Variants in IQCH observed in about 807,000 individuals in gnomAD.
The protein encoded by IQCH is IQ motif containing H, also known as IQ domain-containing protein H.
IQCH carries 98 observed loss-of-function variants against 117.0 expected under a neutral mutation model. The ratio of observed to expected loss-of-function variants is 0.84; its 90% CI spans 0.71 to 0.99. IQCH has a LOEUF of 0.99. IQCH is among the 50% of genes least tolerant of loss of function. IQCH has a pLI of 0.00. For synonymous variants in IQCH, 412 were observed against 448.2 expected, an observed-to-expected ratio of 0.92 and a Z score of 1.02; for missense variants, 1,102 against 1,243.8, an observed-to-expected ratio of 0.89 and a Z score of 1.72.
At chr15:67,357,958 A>G (rs897791655) in intron 7 of IQCH, among the ~76,000 whole-genome samples, 1 of 151,830 alleles carries the variant, frequency 6.6e-6, no homozygotes, top group African/African-American at 2.4e-5. Context: ...TCCTGGGTTC[A>G]AGCGATTCTC....
chr15:67,260,440 A>G (rs1447888235), intron 1 of IQCH, among the ~76,000 whole-genome samples: 2 of 152,228 alleles, frequency 1.3e-5, no homozygotes, highest in African/African-American at 2.4e-5. Flanking sequence ...AACAAAATCA[A>G]GGTCAAACAC....
chr15:67,275,926 AT>A, intron 3 of IQCH, among the ~76,000 whole-genome samples: 1 of 152,238 alleles, frequency 6.6e-6, no homozygotes, highest in Non-Finnish European at 1.5e-5. Flanking sequence ...TCTAAGAATT[AT>A]CTTAGGAACT....
intron 8 of IQCH, 70 bp from the exon 9 acceptor site, chr15:67,372,041 G>A (rs924325272): frequency 6.1e-5 from 80 of 1,304,462 alleles, no homozygotes; most frequent in Middle Eastern, 2.7e-4. Context: ...TGTAGTGTGT[G>A]TCTTGACCAC....
intron 14 of IQCH, among the ~76,000 whole-genome samples, chr15:67,410,954 A>C (rs1206783634): frequency 6.6e-6 from 1 of 152,150 alleles, no homozygotes; most frequent in Non-Finnish European, 1.5e-5. Flanking sequence ...ACTTTATGGC[A>C]GTGTGACATG....
In IQCH at chr15:67,319,606, ATTG is replaced by A. The variant is rs1269459082; in HGVS notation, c.388-17366_388-17364del. On this transcript the variant is annotated intron_variant, in intron 4 of 20. Transcript: ENST00000335894. ...TGTGGAAATAAAGTTCACAGAAGGT[ATTG>A]TTTTTTCAATTTATGCATTCAACAG... 5.9e-5 allele frequency among the ~76,000 whole-genome samples: 9 copies of A among 152,270 alleles called. No homozygotes were observed. The East Asian group carries it at 1.5e-3, about 26-fold the overall frequency.
At chr15:67,389,295 T>C (rs1405114265) in intron 12 of IQCH, among the ~76,000 whole-genome samples, 1 of 152,202 alleles carries the variant, frequency 6.6e-6, no homozygotes, top group Non-Finnish European at 1.5e-5. Flanking sequence ...TTTTTCTTAA[T>C]TTTGTGTGGA....
intron 16 of IQCH, among the ~76,000 whole-genome samples, chr15:67,442,817 GAGATAGATAGATAGAT>G (rs201394285): frequency 7.3e-4 from 101 of 138,200 alleles, no homozygotes; most frequent in East Asian, 1.3e-3. Context: ...AAGAAACTGT[GAGATAGATAGATAGAT>G]AGATAGATAG....
intron 4 of IQCH, chr15:67,281,821 A>T (rs1294663540): frequency 2.2e-6 from 1 of 452,242 alleles, no homozygotes. Context: ...TTCTGCATAA[A>T]TGTTTGTTGA....
chr15:67,314,735 C>T (rs924441476), intron 4 of IQCH, among the ~76,000 whole-genome samples: 2 of 152,164 alleles, frequency 1.3e-5, no homozygotes, highest in African/African-American at 4.8e-5. Flanking sequence ...AGGAGGTAGC[C>T]ACCTTAGCTC....
In IQCH at chr15:67,453,614, G is replaced by A. The variant is rs1008636119; in HGVS notation, c.2506-11513G>A. On this transcript the variant is annotated intron_variant, in intron 16 of 20. Transcript: ENST00000335894. The surrounding 1 kb of genome is among the most constrained non-coding windows in gnomAD (Gnocchi z 5.8). ...TTGTCTCAGAGGAGTACCCGGCCATGTAAGGTGTCAGTCCGCCCCTACTGG... is the reference window on the plus strand; with the variant it reads ...TTGTCTCAGAGGAGTACCCGGCCATATAAGGTGTCAGTCCGCCCCTACTGG... 9.2e-5 allele frequency among the ~76,000 whole-genome samples: 14 copies of A among 152,312 alleles called. 1 individual carries two copies. Among genetic ancestry groups the A allele is most frequent in the African/African-American group, 1.7e-4 (7 of 41,572 alleles).
In IQCH at chr15:67,401,775, A is replaced by G. The variant is rs967854789; in HGVS notation, c.2097+1470A>G. Among the ~76,000 whole-genome samples the G allele has an allele frequency of 1.3e-5, 2 of 152,068 alleles. No individual in the cohort carries two copies. Among genetic ancestry groups the G allele is most frequent in the African/African-American group, 4.8e-5 (2 of 41,388 alleles). On this transcript the variant is annotated intron_variant, in intron 14 of 20. Coordinates refer to ENST00000335894, the MANE Select transcript of IQCH (RefSeq NM_001031715.3). The surrounding 1 kb of genome is among the most constrained non-coding windows in gnomAD (Gnocchi z 4.7). Reference sequence around the variant, plus strand: ...TATTTAAAAGACACCAAAATGAATTACTCTTCTAGATAAAGATAAAAACAA... The same window carrying G: ...TATTTAAAAGACACCAAAATGAATTGCTCTTCTAGATAAAGATAAAAACAA...
At position 67,424,906 on chromosome 15, in the gene IQCH, G is replaced by T. The variant is rs1309317643; in HGVS notation, c.2505+3329G>T. 1.3e-5 allele frequency among the ~76,000 whole-genome samples: 2 copies of T among 152,124 alleles called. No individual in the cohort carries two copies. Among genetic ancestry groups the T allele is most frequent in the Non-Finnish European group, 2.9e-5 (2 of 68,008 alleles). The stretch of plus-strand genomic sequence containing the variant: ...TTACAAATCACTGGCATATTTTCTA[G>T]CCATTTTGCAAGTGGTATCACTTCA... On this transcript the variant is annotated intron_variant, in intron 16 of 20. Coordinates refer to ENST00000335894, the MANE Select transcript of IQCH (RefSeq NM_001031715.3). This position sits in a 1 kb window ranked among gnomAD's most constrained non-coding sequence, Gnocchi z 4.9.
rs1027478889 is a variant in IQCH at position 67,408,211 on chromosome 15, T to C, written c.2097+7906T>C. On this transcript the variant is annotated intron_variant, in intron 14 of 20. Coordinates refer to ENST00000335894, the MANE Select transcript of IQCH (RefSeq NM_001031715.3). The surrounding 1 kb of genome is among the most constrained non-coding windows in gnomAD (Gnocchi z 4.2). Reference sequence around the variant, plus strand: ...GGTTAGTGTTCTCACATCCAGGAAGTCCCTGTTGGAGGTCTTTTGGAAAGG... The same window carrying C: ...GGTTAGTGTTCTCACATCCAGGAAGCCCCTGTTGGAGGTCTTTTGGAAAGG... 7 of 152,204 alleles carry C rather than the reference T, an allele frequency of 4.6e-5. No individual in the cohort carries two copies. Among genetic ancestry groups the C allele is most frequent in the African/African-American group, 1.7e-4 (7 of 41,444 alleles). 9.4% of individuals were successfully genotyped at this position (152,204 alleles called of 1,614,324 possible).
intron 3 of IQCH, among the ~76,000 whole-genome samples, chr15:67,265,619 G>A (rs1965638761): frequency 6.6e-6 from 1 of 152,178 alleles, no homozygotes; most frequent in African/African-American, 2.4e-5. Context: ...CAGGTCCTGA[G>A]AGTCAAAATG....
At chr15:67,277,322 G>A (rs1008935006) in intron 3 of IQCH, among the ~76,000 whole-genome samples, 2 of 151,922 alleles carry the variant, frequency 1.3e-5, no homozygotes, top group African/African-American at 2.4e-5. Flanking sequence ...TCTGATATTC[G>A]CTTTGTCTCT....
intron 8 of IQCH, among the ~76,000 whole-genome samples, chr15:67,363,765 A>C (rs990247089): frequency 6.6e-6 from 1 of 151,870 alleles, no homozygotes; most frequent in Admixed American, 6.6e-5. Context: ...GTCCATGTGT[A>C]CTCAATGTTT....
chr15:67,442,449 C>G (rs917666794), intron 16 of IQCH, among the ~76,000 whole-genome samples: 1 of 151,798 alleles, frequency 6.6e-6, no homozygotes, highest in Non-Finnish European at 1.5e-5. Flanking sequence ...CACTAATGTT[C>G]AGGGAAATGC....
intron 1 of IQCH, among the ~76,000 whole-genome samples, chr15:67,259,501 T>C (rs1207134048): frequency 1.3e-5 from 2 of 152,254 alleles, no homozygotes; most frequent in Admixed American, 6.5e-5. Context: ...CTGCCTTTTA[T>C]TGAGTTCTTG....
intron 13 of IQCH, among the ~76,000 whole-genome samples, chr15:67,399,266 G>A (rs139959317): frequency 4.6e-5 from 7 of 152,152 alleles, no homozygotes; most frequent in Non-Finnish European, 7.4e-5. Context: ...ACATATAAAA[G>A]AAAACTAGTA....
Sources: gnomAD v4.1 joint callset for allele counts (sites outside exome capture counted in the v4.1 genomes callset) on GRCh38, gnomAD v4.1.1 for gene constraint, Gnocchi (gnomAD v3.1) non-coding constraint, MANE v1.5 for transcripts, NCBI Gene and HGNC (gene_info 2026-07-23, HGNC 2026-07-21) for gene names.